Variants in TCF12 observed in about 807,000 individuals in gnomAD.
The protein encoded by TCF12 is DNA-binding protein HTF4.
A neutral mutation model predicts 86.0 loss-of-function variants in TCF12; 45 were observed. The ratio of observed to expected loss-of-function variants is 0.52; its 90% CI spans 0.41 to 0.67. The LOEUF (loss-of-function observed/expected upper bound fraction) is 0.67, where lower values mean the gene tolerates loss of function less well. TCF12 is among the 30% of genes least tolerant of loss of function. The pLI, the probability that TCF12 is intolerant of heterozygous loss-of-function variation, is 0.00. For missense variants in TCF12, 881 were observed against 859.9 expected, an observed-to-expected ratio of 1.02 and a Z score of -0.31; for synonymous variants, 330 against 299.6, an observed-to-expected ratio of 1.10 and a Z score of -1.05.
At chr15:57,134,040 A>G (rs1383539879) in intron 5 of TCF12, among the ~76,000 whole-genome samples, 1 of 152,214 alleles carries the variant, frequency 6.6e-6, no homozygotes, top group Non-Finnish European at 1.5e-5. Context: ...TAACCTCACA[A>G]GAGTGGTGGT....
intron 5 of TCF12, among the ~76,000 whole-genome samples, chr15:57,162,349 A>G (rs2151516909): frequency 6.6e-6 from 1 of 152,348 alleles, no homozygotes; most frequent in South Asian, 2.1e-4. Context: ...ATTCATGAAA[A>G]TAGTTCTTGT....
intron 5 of TCF12, among the ~76,000 whole-genome samples, chr15:57,154,641 A>G (rs1206484086): frequency 6.6e-6 from 1 of 152,072 alleles, no homozygotes; most frequent in Non-Finnish European, 1.5e-5. Flanking sequence ...TCAGTTGTGA[A>G]CAGATTATGG....
At chr15:57,142,858 A>G (rs2053079584) in intron 5 of TCF12, among the ~76,000 whole-genome samples, 1 of 152,198 alleles carries the variant, frequency 6.6e-6, no homozygotes, top group Non-Finnish European at 1.5e-5. Context: ...AGGAAATACC[A>G]TGCAAAATAA....
intron 3 of TCF12, among the ~76,000 whole-genome samples, chr15:57,050,455 TTC>T (rs1257338127): frequency 2.0e-5 from 3 of 152,170 alleles, no homozygotes; most frequent in East Asian, 3.8e-4. Context: ...TTTATCTTTT[TTC>T]TCTCTGGTGA....
chr15:57,024,945 C>A (rs1428506745), intron 3 of TCF12, among the ~76,000 whole-genome samples: 4 of 152,148 alleles, frequency 2.6e-5, no homozygotes, highest in Non-Finnish European at 5.9e-5. Context: ...TAAAGGTAGT[C>A]AAGGTAATAT....
intron 4 of TCF12, among the ~76,000 whole-genome samples, chr15:57,077,416 C>A (rs2070208436): frequency 7.0e-6 from 1 of 142,258 alleles, no homozygotes; most frequent in African/African-American, 2.6e-5. Context: ...GCTCTGGCGC[C>A]CAGGCTGGAG....
rs1472579601 is a variant in TCF12, at chr15:57,288,969, A to G, written c.*2824A>G. Reference sequence around the variant, plus strand: ...TTACTGTTTAAAAGTTAAAAGATCAAAAATTTGCTTTTATCCCAGTTTTTA... The same window carrying G: ...TTACTGTTTAAAAGTTAAAAGATCAGAAATTTGCTTTTATCCCAGTTTTTA... On this transcript the variant is annotated 3_prime_UTR_variant, in exon 21 of 21. Transcript: ENST00000333725. 4.7e-5 allele frequency: 7 copies of G among 147,742 alleles called. No individual in the cohort carries two copies. Among genetic ancestry groups the G allele is most frequent in the South Asian group, 2.1e-4 (1 of 4,698 alleles). 9.2% of individuals were successfully genotyped at this position (147,742 alleles called of 1,614,324 possible). A position where few individuals can be genotyped will look rare whatever the true frequency, so the allele number is the denominator to read the frequency against.
intron 18 of TCF12, among the ~76,000 whole-genome samples, chr15:57,265,668 T>TA (rs2060828193): frequency 6.6e-6 from 1 of 152,222 alleles, no homozygotes; most frequent in Non-Finnish European, 1.5e-5. Context: ...TTAACTCTTA[T>TA]TTATATCAAT....
At chr15:56,986,687 C>T (rs866573746) in intron 3 of TCF12, among the ~76,000 whole-genome samples, 2 of 152,176 alleles carry the variant, frequency 1.3e-5, no homozygotes, top group Middle Eastern at 3.4e-3. Context: ...TATGTATATC[C>T]TTATATACAC....
intron 16 of TCF12, among the ~76,000 whole-genome samples, chr15:57,257,317 C>G (rs12904189): frequency 0.39 from 59,507 of 152,006 alleles, 14,536 homozygotes; most frequent in Non-Finnish European, 0.54. Flanking sequence ...ATACTTGAGG[C>G]AAGCCAGGAT....
chr15:56,928,177 C>G (rs376900839), intron 3 of TCF12, among the ~76,000 whole-genome samples: 1 of 152,132 alleles, frequency 6.6e-6, no homozygotes, highest in Non-Finnish European at 1.5e-5. Context: ...ATAATCAGAG[C>G]TATACTTTTT....
At chr15:57,271,740 A>C (rs1398989326) in intron 18 of TCF12, among the ~76,000 whole-genome samples, 2 of 152,108 alleles carry the variant, frequency 1.3e-5, no homozygotes, top group African/African-American at 4.8e-5. Context: ...CACCTCGGCA[A>C]TGTATTTTTT....
In TCF12 at chr15:57,170,739, T is replaced by C. The variant is rs867311069; in HGVS notation, c.390+4273T>C. ...TATATATATTATATATTATATATAA[T>C]ATATATTATATATTATATATTATAT... On this transcript the variant is annotated intron_variant, in intron 6 of 20. Coordinates refer to ENST00000333725, the MANE Select transcript of TCF12 (RefSeq NM_207037.2). Among the ~76,000 whole-genome samples the C allele has an allele frequency of 6.8e-3, 228 of 33,656 alleles. 12 individuals are homozygous for C. Among genetic ancestry groups the C allele is most frequent in the African/African-American group, 0.026 (213 of 8,216 alleles). The allele number at this position is 33,656 out of a possible 152,430, so 22.1% of individuals were successfully genotyped here.
At chr15:56,983,794 A>G (rs2140904237) in intron 3 of TCF12, among the ~76,000 whole-genome samples, 1 of 151,944 alleles carries the variant, frequency 6.6e-6, no homozygotes, top group South Asian at 2.1e-4. Context: ...TGAGCCCAGG[A>G]TTCAAGATCA....
chr15:57,070,890 A>T (rs1293370364), intron 4 of TCF12, among the ~76,000 whole-genome samples: 1 of 152,168 alleles, frequency 6.6e-6, no homozygotes, highest in Non-Finnish European at 1.5e-5. Context: ...GAGTGTATCT[A>T]TGGGCAGAGG....
chr15:57,263,342 G>C, intron 18 of TCF12, 68 bp downstream of exon 18: 1 of 1,500,854 alleles, frequency 6.7e-7, no homozygotes, highest in Non-Finnish European at 9.0e-7. Flanking sequence ...GAGAAGCTGG[G>C]TGTCATGCAT....
intron 5 of TCF12, among the ~76,000 whole-genome samples, chr15:57,103,781 G>A (rs111477269): frequency 9.2e-5 from 14 of 152,270 alleles, no homozygotes; most frequent in Non-Finnish European, 2.1e-4. Context: ...GGGAGAGGTG[G>A]ATCACTTGAG....
intron 4 of TCF12, among the ~76,000 whole-genome samples, chr15:57,078,503 C>G (rs983090082): frequency 4.6e-5 from 7 of 152,160 alleles, no homozygotes; most frequent in Admixed American, 4.6e-4. Context: ...TGACTGTAAG[C>G]TCCTTGAAGG....
At position 57,087,106 on chromosome 15, in the gene TCF12, C is replaced by CCTCT. The variant is rs1275222190; in HGVS notation, c.223-4681_223-4678dup. Among the ~76,000 whole-genome samples the CCTCT allele has an allele frequency of 4.2e-3, 629 of 150,170 alleles. 7 individuals carry two copies. Among genetic ancestry groups the CCTCT allele is most frequent in the African/African-American group, 0.014 (581 of 40,600 alleles). ...GTCTCCCTCTGTCTCCCTCTCTCTCCCTCTCCCTCTCCCTACCCCCCTGCT... is the reference window on the plus strand; with the variant it reads ...GTCTCCCTCTGTCTCCCTCTCTCTCCCTCTCTCTCCCTCTCCCTACCCCCCTGCT... On this transcript the variant is annotated intron_variant, in intron 4 of 20. Transcript: ENST00000333725.
Sources: gnomAD v4.1 joint callset for allele counts (sites outside exome capture counted in the v4.1 genomes callset) on GRCh38, gnomAD v4.1.1 for gene constraint, MANE v1.5 for transcripts, NCBI Gene and HGNC (gene_info 2026-07-23, HGNC 2026-07-21) for gene names.